The following NOTCH2 variants were observed in gnomAD, a reference collection of about 807,000 sequenced individuals.
NOTCH2 encodes the protein notch receptor 2.
Under a neutral mutation model 235.8 loss-of-function variants are expected in NOTCH2, and 29 were observed. The ratio of observed to expected loss-of-function variants is 0.12; its 90% CI spans 0.09 to 0.17. The LOEUF (loss-of-function observed/expected upper bound fraction) is 0.17, where lower values mean the gene tolerates loss of function less well. NOTCH2 is among the 10% of genes least tolerant of loss of function. The pLI is 1.00. For synonymous variants in NOTCH2, 1,086 were observed against 1,141.5 expected (o/e 0.95, Z 0.98); for missense variants, 2,285 against 3,150.2 (o/e 0.73, Z 6.57).
At chr1:119,958,072 T>TGGAAA (rs1557821795) in intron 12 of NOTCH2, among the ~76,000 whole-genome samples, 36 of 152,350 alleles carry the variant, frequency 2.4e-4, no homozygotes, top group African/African-American at 8.2e-4. Context: ...TAGCTCAAAA[T>TGGAAA]TAGTTCTTCA....
chr1:120,048,014 C>T (rs1415565066), intron 1 of NOTCH2, among the ~76,000 whole-genome samples: 9 of 151,834 alleles, frequency 5.9e-5, no homozygotes, highest in South Asian at 2.1e-4. Context: ...GATCCGCCTG[C>T]CTTGGCCTCC....
intron 5 of NOTCH2, among the ~76,000 whole-genome samples, chr1:119,981,501 C>T (rs587740956): frequency 6.6e-6 from 1 of 152,288 alleles, no homozygotes; most frequent in South Asian, 2.1e-4. Context: ...AACAACCGTT[C>T]CATGGGGGCT....
intron 11 of NOTCH2, among the ~76,000 whole-genome samples, chr1:119,962,598 T>A (rs781793415): frequency 2.0e-5 from 3 of 152,158 alleles, no homozygotes; most frequent in South Asian, 4.1e-4. Flanking sequence ...TTTGAAGAAA[T>A]GGATTTGGAA....
intron 5 of NOTCH2, among the ~76,000 whole-genome samples, chr1:119,975,139 T>C (rs183855653): frequency 6.6e-6 from 1 of 152,236 alleles, no homozygotes; most frequent in East Asian, 1.9e-4. Context: ...ATCAAGTTAG[T>C]TTTCAAAATA....
chr1:119,973,477 GT>G (rs1434970995), intron 5 of NOTCH2, among the ~76,000 whole-genome samples: 2 of 152,148 alleles, frequency 1.3e-5, no homozygotes, highest in Non-Finnish European at 2.9e-5. Flanking sequence ...ATCTTCCAAA[GT>G]TCACACGGTT....
In NOTCH2 at chr1:119,941,738, T is replaced by A. The variant is rs1388940437; in HGVS notation, c.2769A>T (p.Gly923=). The A allele has an allele frequency of 6.2e-7, 1 of 1,613,648 alleles. No homozygotes were observed. Among genetic ancestry groups the A allele is most frequent in the Non-Finnish European group, 8.5e-7 (1 of 1,179,684 alleles). ...DDCLANPCQN[G]GSCMDGVNTF... ...TATTCACTCCATCCATACAGGAACC[T>A]CCATTCTGGCAAGGATCTAAGCCAT... is the stretch of plus-strand genomic sequence containing the variant. The change falls in exon 18 of 34, where the codon GGA becomes GGT. Residue 923 remains glycine (G), a synonymous_variant. Coordinates refer to ENST00000256646, the MANE Select transcript of NOTCH2 (RefSeq NM_024408.4).
chr1:120,014,036 TATGA>T (rs1653318746), intron 2 of NOTCH2, among the ~76,000 whole-genome samples: 1 of 146,618 alleles, frequency 6.8e-6, no homozygotes, highest in African/African-American at 2.7e-5. Context: ...CGCAAAACTA[TATGA>T]ATGTTTTCCT....
intron 23 of NOTCH2, among the ~76,000 whole-genome samples, chr1:119,928,437 G>T (rs1649545333): frequency 6.6e-6 from 1 of 152,170 alleles, no homozygotes; most frequent in African/African-American, 2.4e-5. Flanking sequence ...ATGGTGGCAG[G>T]AACTACCCAG....
In NOTCH2 at chr1:119,940,591, G is replaced by A. The variant is rs2101103689; in HGVS notation, c.3147C>T (p.Cys1049=). Residue 1049 remains cysteine, a synonymous_variant, in exon 19 of 34, where the codon TGC becomes TGT. Coordinates refer to ENST00000256646, the MANE Select transcript of NOTCH2 (RefSeq NM_024408.4). ...TCCCAGTGTAGCCCAGGGGGCAGCT[G>A]CAGCGGTAGGTACCCAGGCCATCAA... The part of the protein sequence containing the change: ...TCVDGLGTYR[C]SCPLGYTGKN... 6.2e-7 allele frequency: 1 copy of A among 1,614,064 alleles called. No homozygotes were observed. Among genetic ancestry groups the A allele is most frequent in the Non-Finnish European group, 8.5e-7 (1 of 1,179,982 alleles).
chr1:119,950,402 C>A, intron 15 of NOTCH2: 1 of 477,584 alleles, frequency 2.1e-6, no homozygotes, highest in South Asian at 1.7e-5. Flanking sequence ...GAAACTAAGA[C>A]AAATAGCTAA....
chr1:119,920,533 G>T, intron 29 of NOTCH2, 136 bp from the exon 30 acceptor site: 2 of 980,190 alleles, frequency 2.0e-6, no homozygotes, highest in Non-Finnish European at 3.2e-6. Flanking sequence ...CCCTCCAGAG[G>T]ATTACCTCAG....
chr1:120,012,114 T>C (rs1278852649), intron 2 of NOTCH2, among the ~76,000 whole-genome samples: 7 of 128,532 alleles, frequency 5.4e-5, no homozygotes, highest in African/African-American at 2.1e-4. Flanking sequence ...CACTAGGCTA[T>C]CCTGCCTCCC....
At chr1:119,957,339 T>A (rs1316413160) in intron 12 of NOTCH2, among the ~76,000 whole-genome samples, 1 of 152,224 alleles carries the variant, frequency 6.6e-6, no homozygotes, top group African/African-American at 2.4e-5. Context: ...ATAATGGGCA[T>A]GAAGGTGCTT....
intron 2 of NOTCH2, among the ~76,000 whole-genome samples, chr1:120,022,907 A>G (rs1366642071): frequency 6.7e-6 from 1 of 150,146 alleles, no homozygotes; most frequent in Non-Finnish European, 1.5e-5. Context: ...TACATTTTCC[A>G]CGAGTATATC....
At chr1:119,954,719 T>A (rs1412406552) in intron 13 of NOTCH2, among the ~76,000 whole-genome samples, 1 of 152,200 alleles carries the variant, frequency 6.6e-6, no homozygotes, top group Non-Finnish European at 1.5e-5. Context: ...TCTTCAGAAA[T>A]CATTCCAGTA....
intron 12 of NOTCH2, among the ~76,000 whole-genome samples, chr1:119,956,649 G>A (rs1289530702): frequency 6.6e-6 from 1 of 152,160 alleles, no homozygotes; most frequent in Non-Finnish European, 1.5e-5. Context: ...ATGAACCAGA[G>A]CTCTTCAACC....
In NOTCH2 at chr1:119,918,496, G is replaced by A. The variant is rs2101148151; in HGVS notation, c.5839C>T (p.Pro1947Ser). 1.2e-6 allele frequency: 2 copies of A among 1,614,150 alleles called. No individual in the cohort carries two copies. The highest frequency in any genetic ancestry group is 1.7e-6 in the Non-Finnish European group (2 of 1,180,008). Residue 1947 changes from proline (P) to serine (S), a missense_variant, in exon 32 of 34, where the codon CCC becomes TCC. Pro to Ser is a moderately conservative substitution (Grantham distance 74). Coordinates refer to ENST00000256646, the MANE Select transcript of NOTCH2 (RefSeq NM_024408.4). ...GCCAGGCGGGCAGCCAGGATCAGGG[G>A]TGTAGTACCATCATTCATCCTGGCA... ...LDARMNDGTT[P>S]LILAARLAVE... is the part of the protein sequence containing the mutation.
At chr1:119,963,180 T>TAGGAAGGAAGGAAGGAAGGAAGGAAGGA (rs71074447) in intron 11 of NOTCH2, among the ~76,000 whole-genome samples, 61 of 144,744 alleles carry the variant, frequency 4.2e-4, no homozygotes, top group Admixed American at 2.9e-3. Flanking sequence ...GGAAGGTAGG[T>TAGGAAGGAAGGAAGGAAGGAAGGAAGGA]AGGAAGGAAG....
chr1:119,995,896 A>T (rs1418896572), intron 4 of NOTCH2: 3 of 152,256 alleles, frequency 2.0e-5, no homozygotes, highest in African/African-American at 7.2e-5. Context: ...ATGACCTTTA[A>T]TCTCTCCAAA....
Sources: gnomAD v4.1 joint callset for allele counts (sites outside exome capture counted in the v4.1 genomes callset) on GRCh38, gnomAD v4.1.1 for gene constraint, MANE v1.5 for transcripts, NCBI Gene and HGNC (gene_info 2026-07-23, HGNC 2026-07-21) for gene names.